RFX3: variants seen among roughly 807,000 people sequenced by gnomAD.
RFX3 encodes the protein regulatory factor X3.
RFX3 carries 14 observed loss-of-function variants against 98.6 expected under a neutral mutation model. That is an observed-to-expected ratio of 0.14 (90% CI 0.09 to 0.22). The LOEUF (loss-of-function observed/expected upper bound fraction) is 0.22, where lower values mean the gene tolerates loss of function less well. Ranked by LOEUF, RFX3 falls within the 10% of genes least tolerant of loss-of-function variation. The probability of loss-of-function intolerance (pLI) is 1.00; values close to 1 mark genes in which losing one functional copy is unlikely to be tolerated. For missense variants in RFX3, 639 were observed against 926.9 expected, an observed-to-expected ratio of 0.69 and a Z score of 4.03; for synonymous variants, 383 against 328.4, an observed-to-expected ratio of 1.17 and a Z score of -1.80.
chr9:3,313,552 G>A lies in RFX3; in HGVS notation c.475-11932C>T, dbSNP rs554897030. Among the ~76,000 whole-genome samples the A allele has an allele frequency of 1.6e-4, 24 of 152,284 alleles. 2 individuals are homozygous for A. The South Asian group carries it at 2.1e-3, about 13-fold the overall frequency. On this transcript the variant is annotated intron_variant, in intron 4 of 16. Transcript: ENST00000617270. ...GAGTTGAGAGAAGAAGACTTCAGAC[G>A]ATCGGCAATAACAAACTTCTCTGAG...
At chr9:3,283,841 T>G (rs1563857960) in intron 7 of RFX3, among the ~76,000 whole-genome samples, 1 of 143,966 alleles carries the variant, frequency 6.9e-6, no homozygotes, top group East Asian at 1.9e-4. Context: ...TTATTTCATA[T>G]GCAAAAATTT....
chr9:3,396,896 AT>A (rs1288630476), intron 1 of RFX3, among the ~76,000 whole-genome samples: 1 of 152,206 alleles, frequency 6.6e-6, no homozygotes, highest in East Asian at 1.9e-4. Context: ...ATCTAAAACA[AT>A]TAACGTATAT....
chr9:3,437,468 C>G (rs1307074754), intron 1 of RFX3, among the ~76,000 whole-genome samples: 1 of 152,048 alleles, frequency 6.6e-6, no homozygotes, highest in Non-Finnish European at 1.5e-5. Flanking sequence ...ATTTATATAG[C>G]TTCTAGAAAC....
chr9:3,292,061 CAAAAAAAAAAAAAAAAAAAAAAAAAA>C (rs58788880), intron 6 of RFX3, among the ~76,000 whole-genome samples: 13 of 23,914 alleles, frequency 5.4e-4, no homozygotes, highest in South Asian at 3.3e-3. Context: ...GACTCCATCT[CAAAAAAAAAAAAAAAAAAAAAAAAAA>C]AAAAAAAAAA....
chr9:3,284,849 A>G (rs776556064), intron 7 of RFX3, among the ~76,000 whole-genome samples: 1 of 151,692 alleles, frequency 6.6e-6, no homozygotes, highest in Non-Finnish European at 1.5e-5. Context: ...GCTCTATGAC[A>G]TCTGCTTTCC....
At chr9:3,508,762 T>C (rs902604107) in intron 1 of RFX3, among the ~76,000 whole-genome samples, 1 of 151,998 alleles carries the variant, frequency 6.6e-6, no homozygotes, top group Admixed American at 6.6e-5. Context: ...TATCCTTTCA[T>C]ATTTGTTACC....
At chr9:3,306,246 T>C (rs1829301996) in intron 4 of RFX3, among the ~76,000 whole-genome samples, 1 of 152,076 alleles carries the variant, frequency 6.6e-6, no homozygotes, top group African/African-American at 2.4e-5. Context: ...AAAGATATTA[T>C]ATCCCCATAG....
chr9:3,503,350 TA>T (rs1816259667), intron 1 of RFX3, among the ~76,000 whole-genome samples: 1 of 152,158 alleles, frequency 6.6e-6, no homozygotes, highest in Non-Finnish European at 1.5e-5. Context: ...TAAGGTTCCA[TA>T]AAAATGTCTA....
At chr9:3,524,745 C>G (rs1299980983) in intron 1 of RFX3, 4 of 307,468 alleles carry the variant, frequency 1.3e-5, no homozygotes, top group Non-Finnish European at 1.9e-5. Context: ...CTCCCCCTCC[C>G]ACCTCCACAT....
chr9:3,336,110 A>ATTT, intron 3 of RFX3, among the ~76,000 whole-genome samples: 1 of 152,336 alleles, frequency 6.6e-6, no homozygotes, highest in South Asian at 2.1e-4. Flanking sequence ...TGAAAGTGAT[A>ATTT]CATTAAGGAA....
At chr9:3,312,708 G>A (rs969797696) in intron 4 of RFX3, among the ~76,000 whole-genome samples, 1 of 152,166 alleles carries the variant, frequency 6.6e-6, no homozygotes, top group African/African-American at 2.4e-5. Context: ...CAGCACACCA[G>A]GAGATTATAT....
At chr9:3,320,811 A>ATATG (rs1491257813) in intron 4 of RFX3, among the ~76,000 whole-genome samples, 76 of 119,298 alleles carry the variant, frequency 6.4e-4, no homozygotes, top group African/African-American at 2.3e-3. Flanking sequence ...ATATATATAT[A>ATATG]GCCTCATTAT....
intron 1 of RFX3, among the ~76,000 whole-genome samples, chr9:3,417,373 T>C (rs1843073659): frequency 6.6e-6 from 1 of 152,072 alleles, no homozygotes; most frequent in South Asian, 2.1e-4. Flanking sequence ...AAACAGAATA[T>C]ATACCCTTCT....
chr9:3,225,111 C>T lies in RFX3; in HGVS notation c.2181G>A (p.Glu727=), dbSNP rs749241086. The T allele has an allele frequency of 3.1e-6, 5 of 1,613,950 alleles. No individual in the cohort carries two copies. Among genetic ancestry groups the T allele is most frequent in the Non-Finnish European group, 4.2e-6 (5 of 1,179,932 alleles). ...QPSLLNPIHS[E]HIVTSTQTIR... The stretch of plus-strand genomic sequence containing the variant: ...TAGTCTGAGTACTTGTGACAATGTG[C>T]TCGCTGTGAATTGGATTCAGGAGGC... The change falls in exon 17 of 17, where the codon GAG becomes GAA. Residue 727 remains glutamate, a synonymous_variant. Transcript: ENST00000617270.
chr9:3,268,791 T>C (rs1434140753), intron 11 of RFX3, among the ~76,000 whole-genome samples: 3 of 151,948 alleles, frequency 2.0e-5, no homozygotes, highest in African/African-American at 7.2e-5. Flanking sequence ...GTTAAAGTCT[T>C]ATGGTGCTGT....
In RFX3 at chr9:3,292,374, G is replaced by C. The variant is rs975243682; in HGVS notation, c.731+703C>G. On this transcript the variant is annotated intron_variant, in intron 6 of 16. Coordinates refer to ENST00000617270, the MANE Select transcript of RFX3 (RefSeq NM_001282116.2). ...GAAAACACTCATATTTATTTCCAAA[G>C]GAAGAAAAACCAGAAACAACTTCTT... is the stretch of plus-strand genomic sequence containing the variant. 9.9e-5 allele frequency among the ~76,000 whole-genome samples: 15 copies of C among 152,038 alleles called. No individual in the cohort carries two copies. The East Asian group carries it at 2.9e-3, about 29-fold the overall frequency.
chr9:3,461,650 G>C (rs1338693303), intron 1 of RFX3, among the ~76,000 whole-genome samples: 5 of 151,862 alleles, frequency 3.3e-5, no homozygotes, highest in African/African-American at 1.2e-4. Context: ...AACAAAGTAT[G>C]ACTTAATGAG....
chr9:3,438,396 C>T (rs1481493891), intron 1 of RFX3, among the ~76,000 whole-genome samples: 1 of 151,290 alleles, frequency 6.6e-6, no homozygotes, highest in Non-Finnish European at 1.5e-5. Flanking sequence ...GTCAAGAGGA[C>T]AACAGAGATG....
chr9:3,446,290 TTA>T (rs1232428706), intron 1 of RFX3, among the ~76,000 whole-genome samples: 1 of 152,148 alleles, frequency 6.6e-6, no homozygotes, highest in Non-Finnish European at 1.5e-5. Flanking sequence ...TTAATTTATA[TTA>T]TTTCATCCTA....
Sources: allele counts gnomAD v4.1 joint callset (sites outside exome capture counted in the v4.1 genomes callset), GRCh38; gene constraint gnomAD v4.1.1; transcripts MANE v1.5; gene names NCBI Gene and HGNC (gene_info 2026-07-23, HGNC 2026-07-21).